Variants in PHIP observed in about 807,000 individuals in gnomAD.
PHIP encodes PHIP subunit of CUL4-Ring ligase complex, also known as PH-interacting protein.
PHIP carries 54 observed loss-of-function variants against 236.8 expected under a neutral mutation model. The ratio of observed to expected loss-of-function variants is 0.23; its 90% CI spans 0.18 to 0.29. The LOEUF (loss-of-function observed/expected upper bound fraction) is 0.29, where lower values mean the gene tolerates loss of function less well. PHIP is among the 10% of genes least tolerant of loss of function. The probability of loss-of-function intolerance (pLI) is 1.00; values close to 1 mark genes in which losing one functional copy is unlikely to be tolerated. For missense variants in PHIP, 1,370 were observed against 2,190.8 expected, an observed-to-expected ratio of 0.63 and a Z score of 7.48; for synonymous variants, 756 against 718.9, an observed-to-expected ratio of 1.05 and a Z score of -0.83.
intron 35 of PHIP, among the ~76,000 whole-genome samples, chr6:78,953,026 C>T (rs894928092): frequency 1.3e-5 from 2 of 150,972 alleles, no homozygotes; most frequent in Non-Finnish European, 3.0e-5. Context: ...GTAGATCACT[C>T]CCTTATATAG....
chr6:79,046,109 A>G (rs891145936), intron 6 of PHIP, among the ~76,000 whole-genome samples: 2 of 152,054 alleles, frequency 1.3e-5, no homozygotes, highest in African/African-American at 2.4e-5. Flanking sequence ...CTTATCTCCC[A>G]TTATCTCTAA....
intron 32 of PHIP, chr6:78,957,802 A>C (rs1766529331): frequency 6.6e-6 from 1 of 151,992 alleles, no homozygotes; most frequent in Admixed American, 6.6e-5. Flanking sequence ...GATTGCATAA[A>C]ATCCTTAAGA....
intron 39 of PHIP, among the ~76,000 whole-genome samples, chr6:78,943,989 TTA>T (rs1491450888): frequency 1.3e-4 from 6 of 46,822 alleles, no homozygotes; most frequent in African/African-American, 3.5e-4. Context: ...CTGTCTTTTT[TTA>T]AAAAAAAAAA....
chr6:79,036,488 T>G (rs1280248180), intron 7 of PHIP, among the ~76,000 whole-genome samples: 1 of 152,186 alleles, frequency 6.6e-6, no homozygotes, highest in Admixed American at 6.6e-5. Flanking sequence ...TAAAATAATT[T>G]TGAATTTCAA....
At chr6:79,077,204 T>G (rs915586359) in intron 4 of PHIP, among the ~76,000 whole-genome samples, 1 of 151,898 alleles carries the variant, frequency 6.6e-6, no homozygotes, top group Non-Finnish European at 1.5e-5. Flanking sequence ...ATGACGTATC[T>G]TTATTTCTAG....
At chr6:79,030,917 C>A (rs1201717708) in intron 7 of PHIP, among the ~76,000 whole-genome samples, 1 of 151,746 alleles carries the variant, frequency 6.6e-6, no homozygotes, top group Non-Finnish European at 1.5e-5. Flanking sequence ...TCACTTGTTT[C>A]ATTTTTCTTT....
intron 4 of PHIP, among the ~76,000 whole-genome samples, chr6:79,072,088 A>C (rs933073168): frequency 6.6e-6 from 1 of 152,216 alleles, no homozygotes; most frequent in African/African-American, 2.4e-5. Flanking sequence ...AGATTGACAA[A>C]ACAGAAGTCA....
intron 16 of PHIP, among the ~76,000 whole-genome samples, chr6:79,003,370 G>A (rs1487675155): frequency 6.6e-6 from 1 of 151,908 alleles, no homozygotes; most frequent in African/African-American, 2.4e-5. Context: ...AGATAAGTAC[G>A]TATTATCTAT....
chr6:78,962,511 C>T (rs1766850794), intron 30 of PHIP, among the ~76,000 whole-genome samples: 2 of 152,022 alleles, frequency 1.3e-5, no homozygotes, highest in South Asian at 4.1e-4. Flanking sequence ...GCTCTTCTTA[C>T]TCATGTTAAT....
chr6:79,071,377 G>A (rs967111987), intron 4 of PHIP, among the ~76,000 whole-genome samples: 1 of 152,054 alleles, frequency 6.6e-6, no homozygotes, highest in African/African-American at 2.4e-5. Flanking sequence ...ATATTCCATA[G>A]GTCCAATAAC....
chr6:78,940,922 A>G lies in PHIP; in HGVS notation c.5237T>C (p.Ile1746Thr), dbSNP rs767587578. Residue 1746 changes from isoleucine to threonine, a missense_variant, in exon 40 of 40, where the codon ATA becomes ACA. Ile to Thr is a moderately conservative substitution (Grantham distance 89, BLOSUM62 -1). Coordinates refer to ENST00000275034, the MANE Select transcript of PHIP (RefSeq NM_017934.7). ...KVLRRSNRKK[I>T]DDPIDEEEEF... ...TTCTTCCTCATCTATAGGATCATCT[A>G]TCTTTTTTCGGTTACTTCTCCTTAA... The G allele has an allele frequency of 7.4e-6, 12 of 1,613,768 alleles. No individual in the cohort carries two copies. Among genetic ancestry groups the G allele is most frequent in the East Asian group, 4.5e-5 (2 of 44,880 alleles).
chr6:78,968,584 C>A (rs1377755919), intron 27 of PHIP, among the ~76,000 whole-genome samples: 1 of 152,186 alleles, frequency 6.6e-6, no homozygotes, highest in African/African-American at 2.4e-5. Context: ...TACTAAGGGA[C>A]AACTATAACT....
At position 78,954,826 on chromosome 6, in the gene PHIP, G is replaced by A. The variant is rs1766308031; in HGVS notation, c.4041C>T (p.Leu1347=). The A allele has an allele frequency of 1.3e-6, 2 of 1,579,376 alleles. No homozygotes were observed. Among genetic ancestry groups the A allele is most frequent in the Non-Finnish European group, 1.7e-6 (2 of 1,167,942 alleles). ...DSEPFRQPVD[L]LEYPDYRDII... ...CAAAAATACTTACTGGATATTCAAG[G>A]AGATCTACCGGCTGACGGAAAGGCT... Residue 1347 remains leucine (L), a synonymous_variant, in exon 35 of 40, where the codon CTC becomes CTT. Transcript: ENST00000275034.
intron 9 of PHIP, among the ~76,000 whole-genome samples, chr6:79,022,536 G>A (rs1023550733): frequency 1.3e-5 from 2 of 152,136 alleles, no homozygotes; most frequent in African/African-American, 4.8e-5. Context: ...TTCTCAAAGG[G>A]TTGTTATAGG....
rs1204668410 is a variant in PHIP, at chr6:78,988,221, A to G, written c.2448T>C (p.Ser816=). 3 of 1,578,088 alleles carry G rather than the reference A, an allele frequency of 1.9e-6. No homozygotes were observed. Among genetic ancestry groups the G allele is most frequent in the African/African-American group, 1.4e-5 (1 of 73,122 alleles). The change falls in exon 21 of 40, where the codon AGT becomes AGC. Residue 816 remains serine, a synonymous_variant. Coordinates refer to ENST00000275034, the MANE Select transcript of PHIP (RefSeq NM_017934.7). Reference sequence around the variant, plus strand: ...GCTGATATCTTACATCTGAAGAACTACTGCCATTTTCTATCTCTTCTGAGG... The same window carrying G: ...GCTGATATCTTACATCTGAAGAACTGCTGCCATTTTCTATCTCTTCTGAGG... ...PRPSEEIENG[S]SSSDEGEVVA...
intron 23 of PHIP, among the ~76,000 whole-genome samples, 161 bp downstream of exon 23, chr6:78,982,721 CTAAA>C (rs1394852597): frequency 6.6e-6 from 1 of 152,050 alleles, no homozygotes; most frequent in African/African-American, 2.4e-5. Flanking sequence ...CTCGAATAAA[CTAAA>C]TATATTTAGG....
At chr6:78,959,983 G>C (rs1004151814) in intron 31 of PHIP, among the ~76,000 whole-genome samples, 2 of 152,106 alleles carry the variant, frequency 1.3e-5, no homozygotes, top group African/African-American at 4.8e-5. Context: ...GCAATCAACT[G>C]TACAATACAC....
intron 6 of PHIP, 101 bp downstream of exon 6, chr6:79,060,377 A>G: frequency 1.4e-6 from 1 of 690,252 alleles, no homozygotes; most frequent in Non-Finnish European, 2.4e-6. Context: ...AGATGTACAT[A>G]ATATGAAGTT....
intron 39 of PHIP, among the ~76,000 whole-genome samples, chr6:78,942,217 T>C (rs1773540386): frequency 6.6e-6 from 1 of 152,204 alleles, no homozygotes; most frequent in South Asian, 2.1e-4. Flanking sequence ...GTGCAGTGGC[T>C]CACGATTATA....
Sources: allele counts gnomAD v4.1 joint callset (sites outside exome capture counted in the v4.1 genomes callset), GRCh38; gene constraint gnomAD v4.1.1; transcripts MANE v1.5; gene names NCBI Gene and HGNC (gene_info 2026-07-23, HGNC 2026-07-21).